The following CNTNAP5 variants were observed in gnomAD, a reference collection of about 807,000 sequenced individuals.
The protein encoded by CNTNAP5 is contactin associated protein family member 5.
A neutral mutation model predicts 150.2 loss-of-function variants in CNTNAP5; 72 were observed. The ratio of observed to expected loss-of-function variants is 0.48; its 90% CI spans 0.40 to 0.58. The LOEUF (loss-of-function observed/expected upper bound fraction) is 0.58. CNTNAP5 is among the 20% of genes least tolerant of loss of function. The probability of loss-of-function intolerance (pLI) is 0.00; values close to 1 mark genes in which losing one functional copy is unlikely to be tolerated. For missense variants in CNTNAP5, 1,636 were observed against 1,626.2 expected, an observed-to-expected ratio of 1.01 and a Z score of -0.10; for synonymous variants, 672 against 619.8, an observed-to-expected ratio of 1.08 and a Z score of -1.25.
At chr2:124,192,312 G>C (rs932924196) in intron 1 of CNTNAP5, among the ~76,000 whole-genome samples, 1 of 152,128 alleles carries the variant, frequency 6.6e-6, no homozygotes, top group African/African-American at 2.4e-5. Flanking sequence ...TCTCCCTGGA[G>C]AATGCTGTAG....
chr2:124,848,609 T>C (rs1334379818), intron 19 of CNTNAP5, among the ~76,000 whole-genome samples: 2 of 152,178 alleles, frequency 1.3e-5, no homozygotes, highest in Admixed American at 1.3e-4. Flanking sequence ...CAGTATATGT[T>C]CCCACCAACA....
chr2:124,155,439 AGCGTGTGTGTGTGTGTGCGC>A (rs962323088), intron 1 of CNTNAP5, among the ~76,000 whole-genome samples: 1 of 151,950 alleles, frequency 6.6e-6, no homozygotes, highest in African/African-American at 2.4e-5. Context: ...TTAAATGAAT[AGCGTGTGTGTGTGTGTGCGC>A]GCGTGTGTGG....
At chr2:124,452,605 A>C (rs1693013278) in intron 6 of CNTNAP5, among the ~76,000 whole-genome samples, 1 of 152,288 alleles carries the variant, frequency 6.6e-6, no homozygotes. Context: ...GTAGTGCATT[A>C]ATCAAACAAA....
chr2:124,044,857 C>T (rs1269721805), intron 1 of CNTNAP5, among the ~76,000 whole-genome samples: 1 of 150,080 alleles, frequency 6.7e-6, no homozygotes, highest in Non-Finnish European at 1.5e-5. Flanking sequence ...TAATCCCAAC[C>T]CCGCCACAGA....
rs529743155 is a variant in CNTNAP5, at chr2:124,266,212, T to A, written c.381+23819T>A. 3.9e-5 allele frequency among the ~76,000 whole-genome samples: 6 copies of A among 152,304 alleles called. No individual in the cohort carries two copies. In the South Asian group the frequency reaches 1.2e-3, roughly 32 times the overall value. ...ATTGATATTACTTTTATCTACAGAC[T>A]TGGATCTAAGTTTGAGGCATCTTGC... On this transcript the variant is annotated intron_variant, in intron 3 of 23. Coordinates refer to ENST00000682447, the MANE Select transcript of CNTNAP5 (RefSeq NM_001367498.1).
At chr2:124,656,933 C>A (rs190226970) in intron 13 of CNTNAP5, among the ~76,000 whole-genome samples, 1 of 152,290 alleles carries the variant, frequency 6.6e-6, no homozygotes, top group East Asian at 1.9e-4. Context: ...AATTGTGAGA[C>A]CTTAAGTAAG....
At chr2:124,345,433 G>A (rs1012097571) in intron 3 of CNTNAP5, among the ~76,000 whole-genome samples, 2 of 152,138 alleles carry the variant, frequency 1.3e-5, no homozygotes, top group Admixed American at 1.3e-4. Flanking sequence ...CTCATTATCA[G>A]TTGTGTGGAG....
intron 2 of CNTNAP5, among the ~76,000 whole-genome samples, chr2:124,225,892 G>A (rs1686445792): frequency 6.6e-6 from 1 of 152,020 alleles, no homozygotes. Context: ...TCTGTGCCTG[G>A]ATATTTCACT....
intron 19 of CNTNAP5, among the ~76,000 whole-genome samples, chr2:124,803,203 A>G (rs1682009615): frequency 6.6e-6 from 1 of 152,136 alleles, no homozygotes; most frequent in Non-Finnish European, 1.5e-5. Flanking sequence ...TGTTCTAGGT[A>G]GAATGAGTTA....
intron 12 of CNTNAP5, among the ~76,000 whole-genome samples, chr2:124,647,319 A>G (rs1678223718): frequency 6.6e-6 from 1 of 152,156 alleles, no homozygotes; most frequent in Non-Finnish European, 1.5e-5. Context: ...AAAACATGCT[A>G]GTGTTTCTCT....
At chr2:124,570,723 T>C (rs535125897) in intron 11 of CNTNAP5, among the ~76,000 whole-genome samples, 106 of 152,252 alleles carry the variant, frequency 7.0e-4, no homozygotes, top group Middle Eastern at 3.4e-3. Context: ...CAGCAAATAA[T>C]GAGAACCAGC....
chr2:124,407,822 G>T (rs36086505), intron 3 of CNTNAP5, among the ~76,000 whole-genome samples: 26,283 of 152,126 alleles, frequency 0.17, 2,942 homozygotes, highest in Middle Eastern at 0.3. Flanking sequence ...GAAGACAATT[G>T]TGTTTCTCTT....
At chr2:124,786,376 A>AAAG (rs1408739777) in intron 17 of CNTNAP5, among the ~76,000 whole-genome samples, 3 of 81,796 alleles carry the variant, frequency 3.7e-5, no homozygotes, top group South Asian at 9.8e-4. Context: ...AGAAAGAAAG[A>AAAG]AAGAAAGAAA....
intron 3 of CNTNAP5, among the ~76,000 whole-genome samples, chr2:124,312,593 C>T (rs1424501669): frequency 4.0e-5 from 6 of 151,842 alleles, no homozygotes; most frequent in Non-Finnish European, 5.9e-5. Flanking sequence ...GTTTTTGAGA[C>T]GGAGTCTCGC....
At chr2:124,386,183 G>A (rs2553624) in intron 3 of CNTNAP5, among the ~76,000 whole-genome samples, 347 of 152,042 alleles carry the variant, frequency 2.3e-3, no homozygotes, top group African/African-American at 7.8e-3. Context: ...TGATAGCTGC[G>A]CAGAATCACC....
chr2:124,747,412 A>G, intron 14 of CNTNAP5, 27 bp downstream of exon 14: 1 of 1,612,850 alleles, frequency 6.2e-7, no homozygotes, highest in Non-Finnish European at 8.5e-7. Flanking sequence ...TCTTTCTGCA[A>G]TTGTAGAGAA....
At chr2:124,834,593 T>A (rs1256310652) in intron 19 of CNTNAP5, among the ~76,000 whole-genome samples, 1 of 151,964 alleles carries the variant, frequency 6.6e-6, no homozygotes, top group Non-Finnish European at 1.5e-5. Flanking sequence ...CAGGGGCTGG[T>A]GTGGTGTGAT....
intron 3 of CNTNAP5, among the ~76,000 whole-genome samples, chr2:124,373,455 A>G (rs1326431459): frequency 6.6e-6 from 1 of 152,118 alleles, no homozygotes; most frequent in Non-Finnish European, 1.5e-5. Context: ...AGCAATGACA[A>G]AGACAAATGA....
intron 2 of CNTNAP5, among the ~76,000 whole-genome samples, chr2:124,241,381 G>A (rs1400342747): frequency 6.6e-6 from 1 of 151,746 alleles, no homozygotes; most frequent in African/African-American, 2.4e-5. Flanking sequence ...GAGATTTTGT[G>A]TATGTTGTTC....
Sources: allele counts gnomAD v4.1 joint callset (sites outside exome capture counted in the v4.1 genomes callset), GRCh38; gene constraint gnomAD v4.1.1; transcripts MANE v1.5; gene names NCBI Gene and HGNC (gene_info 2026-07-23, HGNC 2026-07-21).